Variants in CEP83 observed in about 807,000 individuals in gnomAD.
The protein encoded by CEP83 is centrosomal protein of 83 kDa.
In CEP83, 70 loss-of-function variants were observed where a neutral mutation model predicts 101.9. The observed-to-expected ratio is 0.69, with a 90% CI of 0.57 to 0.84. The LOEUF (loss-of-function observed/expected upper bound fraction) is 0.84, where lower values mean the gene tolerates loss of function less well. Ranked by LOEUF, CEP83 falls within the 40% of genes least tolerant of loss-of-function variation. CEP83 has a pLI of 0.00. For missense variants in CEP83, 715 were observed against 787.2 expected (o/e 0.91, Z 1.10); for synonymous variants, 264 against 267.9 (o/e 0.99, Z 0.14).
the CEP83 span, among the ~76,000 whole-genome samples, chr12:94,266,201 C>T: frequency 5.3e-5 from 8 of 152,208 alleles, no homozygotes; most frequent in African/African-American, 1.7e-4. Flanking sequence ...ACCACTTTGC[C>T]GTGGAGCGTG....
chr12:94,285,096 G>A, the CEP83 span, among the ~76,000 whole-genome samples: 1 of 142,064 alleles, frequency 7.0e-6, no homozygotes, highest in African/African-American at 2.6e-5. Context: ...GTAAGATGAG[G>A]GTGGGGTCAA....
At chr12:94,423,525 A>C (rs1188473811) in intron 2 of CEP83, among the ~76,000 whole-genome samples, 2 of 151,002 alleles carry the variant, frequency 1.3e-5, no homozygotes, top group Non-Finnish European at 2.9e-5. Flanking sequence ...ACACAAAAAA[A>C]GTGATGGCTC....
chr12:94,265,761 A>G, the CEP83 span, among the ~76,000 whole-genome samples: 1 of 152,190 alleles, frequency 6.6e-6, no homozygotes, highest in Non-Finnish European at 1.5e-5. Flanking sequence ...TTTTTAGAGG[A>G]ACGCTGTAAA....
chr12:94,431,037 T>A (rs1031405212), intron 2 of CEP83, among the ~76,000 whole-genome samples: 1 of 152,124 alleles, frequency 6.6e-6, no homozygotes, highest in Non-Finnish European at 1.5e-5. Context: ...GATATAATAG[T>A]AAGAGGATCA....
chr12:94,289,083 T>C, the CEP83 span, among the ~76,000 whole-genome samples: 1 of 152,218 alleles, frequency 6.6e-6, no homozygotes, highest in Non-Finnish European at 1.5e-5. Flanking sequence ...TAAACATAAG[T>C]TCAACCTTAC....
chr12:94,333,351 C>A (rs2059317692), intron 13 of CEP83, 131 bp downstream of exon 13: 2 of 693,474 alleles, frequency 2.9e-6, no homozygotes, highest in Non-Finnish European at 4.7e-6. Flanking sequence ...CCTCAGTAGA[C>A]CATTGTACAC....
At chr12:94,267,512 A>G in the CEP83 span, among the ~76,000 whole-genome samples, 5 of 152,152 alleles carry the variant, frequency 3.3e-5, no homozygotes, top group Non-Finnish European at 7.4e-5. Context: ...GAAAATCATG[A>G]TTTCAGAAAT....
At chr12:94,310,622 G>C (rs1287962701) in intron 15 of CEP83, among the ~76,000 whole-genome samples, 1 of 152,116 alleles carries the variant, frequency 6.6e-6, no homozygotes, top group Non-Finnish European at 1.5e-5. Context: ...TTCACATCCT[G>C]TGAATACTAT....
At chr12:94,420,106 A>G (rs2064602911) in intron 2 of CEP83, among the ~76,000 whole-genome samples, 1 of 152,288 alleles carries the variant, frequency 6.6e-6, no homozygotes, top group Middle Eastern at 3.4e-3. Flanking sequence ...AAAATTATTC[A>G]TAATATTTAA....
At chr12:94,330,816 G>A (rs2059165197) in intron 14 of CEP83, among the ~76,000 whole-genome samples, 1 of 152,070 alleles carries the variant, frequency 6.6e-6, no homozygotes. Context: ...CCTTCTGTAT[G>A]GAAAAATGCA....
chr12:94,384,232 C>G (rs1381248226), intron 6 of CEP83, among the ~76,000 whole-genome samples: 1 of 152,150 alleles, frequency 6.6e-6, no homozygotes, highest in Non-Finnish European at 1.5e-5. Context: ...TATGAGTTGA[C>G]AGTCCTTATC....
chr12:94,337,682 A>G (rs1443775461), intron 11 of CEP83, among the ~76,000 whole-genome samples: 1 of 152,202 alleles, frequency 6.6e-6, no homozygotes, highest in Non-Finnish European at 1.5e-5. Context: ...TCATTAGAGG[A>G]TAAGTTAAGG....
chr12:94,368,540 T>A (rs2061135951), intron 9 of CEP83: 1 of 180,666 alleles, frequency 5.5e-6, no homozygotes, highest in Admixed American at 6.1e-5. Flanking sequence ...AAAGAGGTTC[T>A]GTGACCTAAG....
chr12:94,326,886 CT>C (rs2058994800), intron 14 of CEP83, among the ~76,000 whole-genome samples: 1 of 152,194 alleles, frequency 6.6e-6, no homozygotes, highest in African/African-American at 2.4e-5. Context: ...GGCACTCTGA[CT>C]GTAGATTTCT....
chr12:94,287,091 T>C, the CEP83 span, among the ~76,000 whole-genome samples: 1 of 152,212 alleles, frequency 6.6e-6, no homozygotes, highest in African/African-American at 2.4e-5. Flanking sequence ...TCAATTAATG[T>C]CCACAAAAAC....
At chr12:94,266,882 G>A in the CEP83 span, among the ~76,000 whole-genome samples, 1 of 152,218 alleles carries the variant, frequency 6.6e-6, no homozygotes, top group African/African-American at 2.4e-5. Flanking sequence ...AAATGCAGGT[G>A]CAAATATACC....
chr12:94,280,044 C>G, the CEP83 span: 1 of 350,642 alleles, frequency 2.9e-6, no homozygotes, highest in South Asian at 2.2e-5. Flanking sequence ...TGATACTGAG[C>G]GTGTCATTAC....
At chr12:94,345,858 G>T (rs1216186655) in intron 11 of CEP83, among the ~76,000 whole-genome samples, 1 of 152,140 alleles carries the variant, frequency 6.6e-6, no homozygotes, top group Non-Finnish European at 1.5e-5. Context: ...CTTCAATCAT[G>T]TTTATCCAAT....
chr12:94,353,532 T>C (rs2060298860), intron 11 of CEP83, among the ~76,000 whole-genome samples: 1 of 152,092 alleles, frequency 6.6e-6, no homozygotes, highest in African/African-American at 2.4e-5. Flanking sequence ...AGATCTACAG[T>C]ACAACCAGAA....
Sources: allele counts gnomAD v4.1 joint callset (sites outside exome capture counted in the v4.1 genomes callset), GRCh38; gene constraint gnomAD v4.1.1; transcripts MANE v1.5; gene names NCBI Gene and HGNC (gene_info 2026-07-23, HGNC 2026-07-21).